The following MEP1A variants were observed in gnomAD, a reference collection of about 807,000 sequenced individuals.
The protein encoded by MEP1A is N-benzoyl-L-tyrosyl-P-amino-benzoic acid hydrolase subunit alpha.
MEP1A carries 68 observed loss-of-function variants against 84.5 expected under a neutral mutation model. That is an observed-to-expected ratio of 0.80 (90% CI 0.66 to 0.98). MEP1A has a LOEUF of 0.98. Among genes scored for constraint, MEP1A ranks in the 50% least tolerant of loss-of-function variants. The probability of loss-of-function intolerance (pLI) is 0.00; values close to 1 mark genes in which losing one functional copy is unlikely to be tolerated. For synonymous variants in MEP1A, 337 were observed against 336.8 expected, an observed-to-expected ratio of 1.00 and a Z score of -0.01; for missense variants, 887 against 919.9, an observed-to-expected ratio of 0.96 and a Z score of 0.46.
intron 6 of MEP1A, among the ~76,000 whole-genome samples, chr6:46,812,153 G>A (rs924311139): frequency 6.6e-6 from 1 of 151,884 alleles, no homozygotes; most frequent in Non-Finnish European, 1.5e-5. Flanking sequence ...CTCACTACTT[G>A]TTATTTGTCT....
At chr6:46,806,279 T>C (rs1385585371) in intron 5 of MEP1A, among the ~76,000 whole-genome samples, 1 of 152,072 alleles carries the variant, frequency 6.6e-6, no homozygotes, top group Non-Finnish European at 1.5e-5. Flanking sequence ...TTTGATTATA[T>C]ATTAGACATT....
chr6:46,834,544 G>T, intron 11 of MEP1A, 34 bp from the exon 12 acceptor site: 1 of 1,505,260 alleles, frequency 6.6e-7, no homozygotes, highest in Non-Finnish European at 9.1e-7. Context: ...GTCTAAAGAG[G>T]TAATGTGATT....
chr6:46,807,776 AAAG>A lies in MEP1A; in HGVS notation c.263-1641_263-1639del, dbSNP rs1562106953. The stretch of plus-strand genomic sequence containing the variant: ...GAAGGAAGGAAGGGAGAAAGGAAAG[AAAG>A]AAAGAAAGAAAGAAAGAAAGAAAGA... On this transcript the variant is annotated intron_variant, in intron 5 of 13. Coordinates refer to ENST00000230588, the MANE Select transcript of MEP1A (RefSeq NM_005588.3). Among the ~76,000 whole-genome samples, 8 of 62,626 alleles carry A rather than the reference AAAG, an allele frequency of 1.3e-4. No individual in the cohort carries two copies. In the East Asian group the frequency reaches 2.7e-3, roughly 21 times the overall value. 41.1% of individuals were successfully genotyped at this position (62,626 alleles called of 152,430 possible).
intron 6 of MEP1A, among the ~76,000 whole-genome samples, chr6:46,811,502 T>C (rs1767497664): frequency 6.6e-6 from 1 of 151,998 alleles, no homozygotes; most frequent in Non-Finnish European, 1.5e-5. Flanking sequence ...GGACTTCCAG[T>C]AGTATGTTGA....
rs543589693 is a variant in MEP1A at position 46,800,187 on chromosome 6, G to T, written c.262+1006G>T. ...TTAAGAAACACCAACTTTAAAAGGG[G>T]TTCTTTCCCATTACAATTTGTTTTA... On this transcript the variant is annotated intron_variant, in intron 5 of 13. Coordinates refer to ENST00000230588, the MANE Select transcript of MEP1A (RefSeq NM_005588.3). Among the ~76,000 whole-genome samples, 202 of 152,264 alleles carry T rather than the reference G, an allele frequency of 1.3e-3. 1 individual carries two copies. Among genetic ancestry groups the T allele is most frequent in the African/African-American group, 4.8e-3 (198 of 41,550 alleles).
At position 46,833,055 on chromosome 6, in the gene MEP1A, C is replaced by A. The variant is rs376794493; in HGVS notation, c.1145-19C>A. On this transcript the variant is annotated intron_variant, in intron 10 of 13. Transcript: ENST00000230588. Reference sequence around the variant, plus strand: ...AAGTGTTGGTCACAGTTCTCACCAGCCTTGTTCTCTGTCCTCAGGAGATGA... The same window carrying A: ...AAGTGTTGGTCACAGTTCTCACCAGACTTGTTCTCTGTCCTCAGGAGATGA... The A allele has an allele frequency of 2.1e-6, 3 of 1,414,200 alleles. No individual in the cohort carries two copies. Among genetic ancestry groups the A allele is most frequent in the East Asian group, 2.3e-5 (1 of 43,640 alleles). The allele number at this position is 1,414,200 out of a possible 1,614,324, so 87.6% of individuals were successfully genotyped here.
intron 6 of MEP1A, among the ~76,000 whole-genome samples, chr6:46,814,033 G>A (rs1478801482): frequency 3.3e-5 from 5 of 152,086 alleles, no homozygotes; most frequent in African/African-American, 4.8e-5. Context: ...GTGCCTAGGC[G>A]ATGATCTTTT....
Position 46,815,359 on chromosome 6 carries a change from A to G in MEP1A, c.381-4170A>G, listed in dbSNP as rs370582153. On this transcript the variant is annotated intron_variant, in intron 6 of 13. Coordinates refer to ENST00000230588, the MANE Select transcript of MEP1A (RefSeq NM_005588.3). ...CCTCTGCTGAGTCATACAGGTTGCC[A>G]AGGAAGTGGGGAAAAGCCTGCAGCC... Among the ~76,000 whole-genome samples, 114 of 152,290 alleles carry G rather than the reference A, an allele frequency of 7.5e-4. 3 individuals carry two copies. In the South Asian group the frequency reaches 0.023, roughly 31 times the overall value.
chr6:46,813,411 G>A (rs978823451), intron 6 of MEP1A, among the ~76,000 whole-genome samples: 2 of 152,060 alleles, frequency 1.3e-5, no homozygotes, highest in East Asian at 1.9e-4. Context: ...AAGTTCCACA[G>A]CATTAAATGC....
intron 6 of MEP1A, among the ~76,000 whole-genome samples, chr6:46,817,114 GAAGAGGGAATGGATTTC>G (rs1472391250): frequency 6.6e-6 from 1 of 152,172 alleles, no homozygotes; most frequent in Non-Finnish European, 1.5e-5. Context: ...GTGATATAAA[GAAGAGGGAATGGATTTC>G]AGAAATCTGT....
chr6:46,829,744 C>A (rs1283590195), intron 10 of MEP1A, among the ~76,000 whole-genome samples, 173 bp downstream of exon 10: 1 of 152,046 alleles, frequency 6.6e-6, no homozygotes, highest in Admixed American at 6.6e-5. Context: ...GTTTTAATTA[C>A]TCTATGAATG....
chr6:46,845,565 C>T, the MEP1A span, among the ~76,000 whole-genome samples: 103 of 152,278 alleles, frequency 6.8e-4, no homozygotes, highest in Admixed American at 3.1e-3. Context: ...TAGACTAAGC[C>T]AATCATGATA....
rs555522034 is a variant in MEP1A at position 46,793,775 on chromosome 6, T to A, written c.145+59T>A. The A allele has an allele frequency of 5.8e-5, 71 of 1,228,186 alleles. No individual in the cohort carries two copies. The African/African-American group carries it at 1.0e-3, about 17-fold the overall frequency. 76.1% of individuals were successfully genotyped at this position (1,228,186 alleles called of 1,614,324 possible). A position where few individuals can be genotyped will look rare whatever the true frequency, so the allele number is the denominator to read the frequency against. Reference sequence around the variant, plus strand: ...AATTACTTGAAACCCAGTGGTGGGATTACTGAACACTTTCCTTCCTAATAC... The same window carrying A: ...AATTACTTGAAACCCAGTGGTGGGAATACTGAACACTTTCCTTCCTAATAC... On this transcript the variant is annotated intron_variant, in intron 3 of 13. Coordinates refer to ENST00000230588, the MANE Select transcript of MEP1A (RefSeq NM_005588.3).
chr6:46,824,457 A>C (rs1026320430), intron 7 of MEP1A, among the ~76,000 whole-genome samples: 12 of 146,058 alleles, frequency 8.2e-5, no homozygotes, highest in Admixed American at 2.7e-4. Context: ...GTAATTTTAC[A>C]TTATATTGCT....
chr6:46,832,831 C>T (rs183404646), intron 10 of MEP1A, among the ~76,000 whole-genome samples: 304 of 152,250 alleles, frequency 2.0e-3, no homozygotes, highest in African/African-American at 6.6e-3. Flanking sequence ...AACAAATTCA[C>T]GGTTAAGATT....
At chr6:46,828,787 G>A (rs373181418) in intron 9 of MEP1A, among the ~76,000 whole-genome samples, 11 of 152,140 alleles carry the variant, frequency 7.2e-5, no homozygotes, top group African/African-American at 1.4e-4. Context: ...TTACATTCAG[G>A]GGAAATTTCC....
At chr6:46,796,264 C>T (rs1218384814) in intron 3 of MEP1A, among the ~76,000 whole-genome samples, 1 of 152,120 alleles carries the variant, frequency 6.6e-6, no homozygotes, top group Non-Finnish European at 1.5e-5. Context: ...AGTTTAGGAC[C>T]ACTGCCCTAA....
chr6:46,810,318 GT>G (rs748655381), intron 6 of MEP1A, among the ~76,000 whole-genome samples: 6 of 151,780 alleles, frequency 4.0e-5, no homozygotes, highest in Admixed American at 2.0e-4. Context: ...GGGATTGTTT[GT>G]TTTTTTCTTG....
At chr6:46,816,037 A>C (rs1767626690) in intron 6 of MEP1A, among the ~76,000 whole-genome samples, 1 of 152,074 alleles carries the variant, frequency 6.6e-6, no homozygotes, top group Non-Finnish European at 1.5e-5. Flanking sequence ...CCCGGGCTCA[A>C]GCAATTCTCC....
Sources: allele counts gnomAD v4.1 joint callset (sites outside exome capture counted in the v4.1 genomes callset), GRCh38; gene constraint gnomAD v4.1.1; transcripts MANE v1.5; gene names NCBI Gene and HGNC (gene_info 2026-07-23, HGNC 2026-07-21).